Variants in ANK1 observed in about 807,000 individuals in gnomAD.
ANK1 encodes ankyrin 1, also known as ankyrin-1.
A neutral mutation model predicts 210.4 loss-of-function variants in ANK1; 51 were observed. The observed-to-expected ratio is 0.24, with a 90% CI of 0.19 to 0.31. The LOEUF (loss-of-function observed/expected upper bound fraction) is 0.31. Ranked by LOEUF, ANK1 falls within the 10% of genes least tolerant of loss-of-function variation. The pLI, the probability that ANK1 is intolerant of heterozygous loss-of-function variation, is 1.00. For synonymous variants in ANK1, 967 were observed against 1,025.9 expected (o/e 0.94, Z 1.10); for missense variants, 2,051 against 2,504.4 (o/e 0.82, Z 3.86).
chr8:41,703,501 A>ATGTCAAG (rs1284723756), intron 20 of ANK1, among the ~76,000 whole-genome samples: 1 of 128,896 alleles, frequency 7.8e-6, no homozygotes, highest in Non-Finnish European at 1.6e-5. Flanking sequence ...TCCAGGCTGG[A>ATGTCAAG]TGTCAAGTGG....
chr8:41,832,526 A>G (rs1482180095), intron 1 of ANK1, among the ~76,000 whole-genome samples: 2 of 152,096 alleles, frequency 1.3e-5, no homozygotes, highest in Non-Finnish European at 2.9e-5. Flanking sequence ...TCCCACCCCC[A>G]GGCTGTCCCA....
At chr8:41,667,829 G>A (rs902512151) in intron 39 of ANK1, among the ~76,000 whole-genome samples, 1 of 152,196 alleles carries the variant, frequency 6.6e-6, no homozygotes, top group African/African-American at 2.4e-5. Flanking sequence ...TTACCAGTGA[G>A]GACCCTGAGG....
intron 1 of ANK1, among the ~76,000 whole-genome samples, chr8:41,768,648 A>C (rs1842365648): frequency 6.6e-6 from 1 of 152,138 alleles, no homozygotes; most frequent in Admixed American, 6.5e-5. Context: ...AAGATTCCTA[A>C]CAATAGTGTA....
chr8:41,668,963 C>T (rs1811412324), intron 38 of ANK1, among the ~76,000 whole-genome samples: 1 of 152,116 alleles, frequency 6.6e-6, no homozygotes, highest in Non-Finnish European at 1.5e-5. Context: ...CAGCAGTCCT[C>T]ATCTGACAAG....
intron 40 of ANK1, 116 bp from the exon 41 acceptor site, chr8:41,662,057 G>C: frequency 7.5e-7 from 1 of 1,339,636 alleles, no homozygotes. Flanking sequence ...AGGAGTTTGA[G>C]ACCAGCCTGG....
At chr8:41,714,372 C>T in intron 15 of ANK1, 118 bp from the exon 16 acceptor site, 1 of 785,588 alleles carries the variant, frequency 1.3e-6, no homozygotes. Flanking sequence ...AAATCTTTCC[C>T]AGGCCAGTCT....
intron 39 of ANK1, chr8:41,665,810 G>A (rs1810334591): frequency 6.4e-6 from 1 of 156,046 alleles, no homozygotes; most frequent in African/African-American, 2.4e-5. Context: ...CTTCCTTTAT[G>A]GGGTACAGCC....
chr8:41,743,740 G>A (rs1835365293), intron 2 of ANK1, among the ~76,000 whole-genome samples: 1 of 152,182 alleles, frequency 6.6e-6, no homozygotes, highest in African/African-American at 2.4e-5. Context: ...CATGGGGAGA[G>A]GAAAGGCTAG....
intron 31 of ANK1, 67 bp from the exon 32 acceptor site, chr8:41,690,666 C>A: frequency 6.3e-7 from 1 of 1,575,740 alleles, no homozygotes; most frequent in East Asian, 2.2e-5. Flanking sequence ...CTCCTTCCAC[C>A]TTCGGTCCTT....
intron 1 of ANK1, among the ~76,000 whole-genome samples, chr8:41,822,932 G>T (rs1414083350): frequency 6.6e-6 from 1 of 152,220 alleles, no homozygotes; most frequent in Admixed American, 6.5e-5. Context: ...CGCTCCGTGT[G>T]TGCCTCGTTC....
chr8:41,894,860 G>A (rs1363399957), intron 1 of ANK1, among the ~76,000 whole-genome samples: 4 of 152,066 alleles, frequency 2.6e-5, no homozygotes, highest in East Asian at 1.9e-4. Flanking sequence ...ATTCTCTCTC[G>A]GTGGCACCAA....
intron 1 of ANK1, among the ~76,000 whole-genome samples, chr8:41,783,139 G>A (rs12156072): frequency 0.3 from 44,923 of 151,854 alleles, 7,750 homozygotes; most frequent in South Asian, 0.39. Flanking sequence ...TGAATGCAGC[G>A]CATGGGGTTT....
chr8:41,684,813 A>G (rs750643292), intron 36 of ANK1, 123 bp from the exon 37 acceptor site: 6 of 1,267,200 alleles, frequency 4.7e-6, no homozygotes, highest in Non-Finnish European at 6.7e-6. Flanking sequence ...AGGTGGAGGC[A>G]CCCTCTTTTA....
chr8:41,710,521 G>A (rs1008279326), intron 16 of ANK1, among the ~76,000 whole-genome samples: 1 of 152,236 alleles, frequency 6.6e-6, no homozygotes, highest in Non-Finnish European at 1.5e-5. Flanking sequence ...CCGAGATTGT[G>A]CATTTCTAGC....
chr8:41,669,350 G>A (rs1400075556), intron 38 of ANK1, among the ~76,000 whole-genome samples: 1 of 152,006 alleles, frequency 6.6e-6, no homozygotes, highest in African/African-American at 2.4e-5. Context: ...GGGCTGCAGT[G>A]CAGTGGTACA....
In ANK1 at chr8:41,838,537, C is replaced by T. The variant is rs80256158; in HGVS notation, c.126+57818G>A. On this transcript the variant is annotated intron_variant, in intron 1 of 42. Coordinates refer to the ANK1 transcript ENST00000265709. ...TTGCAGCACTTTGGGAGGCCGAGGC[C>T]GGCGGATCACCTGAGGTCAGGAGTT... 4.4e-3 allele frequency among the ~76,000 whole-genome samples: 672 copies of T among 151,784 alleles called. 4 individuals carry two copies. The highest frequency in any genetic ancestry group is 0.028 in the East Asian group (146 of 5,142).
upstream of ANK1, among the ~76,000 whole-genome samples, chr8:41,802,155 A>G (rs1423289774): frequency 2.0e-5 from 3 of 151,954 alleles, no homozygotes; most frequent in Non-Finnish European, 4.4e-5. Flanking sequence ...ACGCCTGGCT[A>G]ATGTTTGTAT....
At chr8:41,765,070 C>T (rs553824885) in intron 1 of ANK1, among the ~76,000 whole-genome samples, 1 of 151,002 alleles carries the variant, frequency 6.6e-6, no homozygotes, top group Non-Finnish European at 1.5e-5. Flanking sequence ...TCCTTCCTTC[C>T]TTCTTTCCTT....
At chr8:41,684,827 G>T in intron 36 of ANK1, 137 bp from the exon 37 acceptor site, 4 of 1,130,184 alleles carry the variant, frequency 3.5e-6, no homozygotes, top group Non-Finnish European at 5.2e-6. Context: ...TCTTTTATTA[G>T]AGTCAAAACA....
Sources: allele counts gnomAD v4.1 joint callset (sites outside exome capture counted in the v4.1 genomes callset), GRCh38; gene constraint gnomAD v4.1.1; transcripts MANE v1.5; gene names NCBI Gene and HGNC (gene_info 2026-07-23, HGNC 2026-07-21).